The following ZHX3 variants were observed in gnomAD, a reference collection of about 807,000 sequenced individuals.
ZHX3 encodes zinc fingers and homeoboxes 3, also known as zinc fingers and homeoboxes protein 3.
In ZHX3, 20 loss-of-function variants were observed where a neutral mutation model predicts 64.5. That is an observed-to-expected ratio of 0.31 (90% CI 0.22 to 0.45). The LOEUF (loss-of-function observed/expected upper bound fraction) is 0.45. ZHX3 is among the 20% of genes least tolerant of loss of function. The pLI is 1.00. For missense variants in ZHX3, 1,041 were observed against 1,195.8 expected (o/e 0.87, Z 1.91); for synonymous variants, 423 against 461.6 (o/e 0.92, Z 1.07).
At chr20:41,186,747 C>G (rs1327061268) in intron 3 of ZHX3, among the ~76,000 whole-genome samples, 2 of 152,138 alleles carry the variant, frequency 1.3e-5, no homozygotes, top group African/African-American at 4.8e-5. Context: ...GCCAAAGGTT[C>G]GTCTTTTCAT....
chr20:41,302,442 C>T (rs1398608078), intron 1 of ZHX3, among the ~76,000 whole-genome samples: 1 of 152,224 alleles, frequency 6.6e-6, no homozygotes, highest in Non-Finnish European at 1.5e-5. Flanking sequence ...TTACCAGGAA[C>T]AAGTCCTAGG....
chr20:41,307,709 T>C (rs2045019860), intron 1 of ZHX3, among the ~76,000 whole-genome samples: 1 of 152,258 alleles, frequency 6.6e-6, no homozygotes, highest in Non-Finnish European at 1.5e-5. Context: ...TGTAATTTAC[T>C]AGTTCCAAAA....
At chr20:41,312,465 T>C (rs995555463) in intron 1 of ZHX3, among the ~76,000 whole-genome samples, 1 of 152,130 alleles carries the variant, frequency 6.6e-6, no homozygotes, top group Non-Finnish European at 1.5e-5. Flanking sequence ...GCTGTAACAC[T>C]CACCACAAAG....
chr20:41,278,916 G>A (rs993831607), intron 1 of ZHX3, among the ~76,000 whole-genome samples: 1 of 151,414 alleles, frequency 6.6e-6, no homozygotes, highest in Non-Finnish European at 1.5e-5. Flanking sequence ...GGGACTACAG[G>A]TGCCCGCCAC....
At chr20:41,304,379 G>A (rs1295304503) in intron 1 of ZHX3, among the ~76,000 whole-genome samples, 2 of 152,046 alleles carry the variant, frequency 1.3e-5, no homozygotes, top group Non-Finnish European at 2.9e-5. Context: ...CCACAATCTG[G>A]CTACACGTGC....
At chr20:41,241,760 ATTG>A in intron 2 of ZHX3, among the ~76,000 whole-genome samples, 1 of 152,160 alleles carries the variant, frequency 6.6e-6, no homozygotes, top group East Asian at 1.9e-4. Context: ...AAATTTTTGA[ATTG>A]TTTTCTCTAT....
intron 2 of ZHX3, among the ~76,000 whole-genome samples, chr20:41,214,431 G>A (rs1332789293): frequency 1.3e-5 from 2 of 152,190 alleles, no homozygotes; most frequent in Admixed American, 6.5e-5. Context: ...AAGCAGTCTC[G>A]CTCCAGAGCC....
intron 2 of ZHX3, among the ~76,000 whole-genome samples, chr20:41,216,066 A>G (rs2039513253): frequency 6.6e-6 from 1 of 152,242 alleles, no homozygotes; most frequent in African/African-American, 2.4e-5. Flanking sequence ...AAAGATGTAA[A>G]GAATGTGACT....
intron 1 of ZHX3, among the ~76,000 whole-genome samples, chr20:41,309,491 C>G (rs1410960599): frequency 6.6e-6 from 1 of 152,216 alleles, no homozygotes; most frequent in Non-Finnish European, 1.5e-5. Context: ...ATATGATTTT[C>G]ATGAACACGT....
intron 1 of ZHX3, among the ~76,000 whole-genome samples, chr20:41,289,958 G>A (rs190820335): frequency 3.2e-4 from 48 of 152,220 alleles, no homozygotes; most frequent in Admixed American, 2.9e-3. Context: ...TAATAATAAC[G>A]CCAAACATTG....
chr20:41,274,146 A>G (rs961199541), intron 1 of ZHX3, among the ~76,000 whole-genome samples: 2 of 152,196 alleles, frequency 1.3e-5, no homozygotes, highest in Non-Finnish European at 2.9e-5. Flanking sequence ...CAGAGAATGA[A>G]GGTAAATTAT....
chr20:41,198,646 A>G (rs372666885), intron 3 of ZHX3, among the ~76,000 whole-genome samples: 5 of 152,100 alleles, frequency 3.3e-5, no homozygotes, highest in African/African-American at 9.6e-5. Context: ...GGTTTTGACA[A>G]TCCTAATATA....
chr20:41,279,470 A>G (rs1327243324), intron 1 of ZHX3, among the ~76,000 whole-genome samples: 1 of 152,132 alleles, frequency 6.6e-6, no homozygotes, highest in African/African-American at 2.4e-5. Context: ...AACCACCTCA[A>G]GTTCCTCTTC....
At position 41,203,480 on chromosome 20, in the gene ZHX3, G is replaced by A. The variant is rs201343191; in HGVS notation, c.1437C>T (p.Leu479=). ...AGGTTATGCTGGGGCAGGCCGTGAG[G>A]AGCGACTGGGCCGCATTGACCACCT... ...AVKVVNAAQS[L]LTACPSITSQ... Residue 479 remains leucine (L), a synonymous_variant, in exon 3 of 4, where the codon CTC becomes CTT. Transcript: ENST00000683867. This position sits in a 1 kb window ranked among gnomAD's most constrained non-coding sequence, Gnocchi z 7.1. The A allele has an allele frequency of 4.1e-5, 66 of 1,614,078 alleles. No individual in the cohort carries two copies. The highest frequency in any genetic ancestry group is 3.3e-5 in the Non-Finnish European group (39 of 1,180,034).
In ZHX3 at chr20:41,238,993, T is replaced by TC. The variant is rs1491172384; in HGVS notation, c.-151+29996_-151+29997insG. 5.7e-3 allele frequency among the ~76,000 whole-genome samples: 413 copies of TC among 72,962 alleles called. 2 individuals are homozygous for TC. Among genetic ancestry groups the TC allele is most frequent in the African/African-American group, 0.024 (362 of 15,404 alleles). 47.9% of individuals were successfully genotyped at this position (72,962 alleles called of 152,430 possible). On this transcript the variant is annotated intron_variant, in intron 2 of 3. Transcript: ENST00000683867. ...AAAACAAGGGCCTATTTTCTCTCTCTTTTTTTTTTTTTTTTTTTTTTTTTT... is the reference window on the plus strand; with the variant it reads ...AAAACAAGGGCCTATTTTCTCTCTCTCTTTTTTTTTTTTTTTTTTTTTTTTT...
chr20:41,282,047 T>C (rs1333981552), intron 1 of ZHX3, among the ~76,000 whole-genome samples: 2 of 151,986 alleles, frequency 1.3e-5, no homozygotes, highest in African/African-American at 4.8e-5. Flanking sequence ...AGGGACAGAG[T>C]TGTTAGGATG....
chr20:41,311,443 C>A (rs1023793972), intron 1 of ZHX3, among the ~76,000 whole-genome samples: 1 of 152,222 alleles, frequency 6.6e-6, no homozygotes, highest in Non-Finnish European at 1.5e-5. Context: ...AGCAAACTAT[C>A]TATATGCTTT....
chr20:41,234,673 T>C (rs1036905499), intron 2 of ZHX3, among the ~76,000 whole-genome samples: 2 of 152,188 alleles, frequency 1.3e-5, no homozygotes, highest in Admixed American at 6.5e-5. Context: ...AGTGTAAAAA[T>C]AGGTCACTGC....
rs535893159 is a variant in ZHX3 at position 41,219,898 on chromosome 20, G to A, written c.-150-14832C>T. Among the ~76,000 whole-genome samples, 5 of 152,286 alleles carry A rather than the reference G, an allele frequency of 3.3e-5. No homozygotes were observed. The South Asian group carries it at 6.2e-4, about 19-fold the overall frequency. ...TGCAACTGGTTATGTTCCAGATGGC[G>A]GCTACTCTATCAGCCTGAGTCCTAA... On this transcript the variant is annotated intron_variant, in intron 2 of 3. Coordinates refer to ENST00000683867, the MANE Select transcript of ZHX3 (RefSeq NM_001384317.1). The surrounding 1 kb of genome is among the most constrained non-coding windows in gnomAD (Gnocchi z 5.0).
Sources: allele counts gnomAD v4.1 joint callset (sites outside exome capture counted in the v4.1 genomes callset), GRCh38; gene constraint gnomAD v4.1.1; non-coding constraint Gnocchi (gnomAD v3.1); transcripts MANE v1.5; gene names NCBI Gene and HGNC (gene_info 2026-07-23, HGNC 2026-07-21).